ZNF490: variants seen among roughly 807,000 people sequenced by gnomAD.
ZNF490 encodes the protein zinc finger protein 490.
In ZNF490, 11 loss-of-function variants were observed where a neutral mutation model predicts 17.7. The ratio of observed to expected loss-of-function variants is 0.62; its 90% CI spans 0.39 to 1.03. The LOEUF (loss-of-function observed/expected upper bound fraction) is 1.03. Ranked by LOEUF, ZNF490 falls within the 50% of genes least tolerant of loss-of-function variation. The pLI is 0.00. For missense variants in ZNF490, 542 were observed against 643.4 expected (o/e 0.84, Z 1.71); for synonymous variants, 222 against 216.1 (o/e 1.03, Z -0.24).
In ZNF490 at chr19:12,610,694, T is replaced by A; in HGVS notation, c.-14A>T. On this transcript the variant is annotated 5_prime_UTR_variant, in exon 1 of 5. The change abolishes an upstream ATG in the 5' untranslated region. Transcript: ENST00000311437. The stretch of plus-strand genomic sequence containing the variant: ...ATTCCTGCGCATCCCTGTCCCCGCA[T>A]CCAGAAACACTGCAGGAAGACTTCC... 6.2e-7 allele frequency: 1 copy of A among 1,611,806 alleles called. No individual in the cohort carries two copies. The highest frequency in any genetic ancestry group is 8.5e-7 in the Non-Finnish European group (1 of 1,178,772).
chr19:12,604,661 C>A (rs1281679197), intron 2 of ZNF490, among the ~76,000 whole-genome samples: 11 of 140,652 alleles, frequency 7.8e-5, no homozygotes, highest in African/African-American at 5.3e-5. Flanking sequence ...GACTCTATCT[C>A]AAAAAAAAAA....
At position 12,586,298 on chromosome 19, in the gene ZNF490, C is replaced by CA. The variant is rs1355066080; in HGVS notation, c.163-2743dup. Reference sequence around the variant, plus strand: ...TGGGCGACAGAGCGAAACTCCACCTCAAAAAATAAAATAAAATAAAATAAA... The same window carrying CA: ...TGGGCGACAGAGCGAAACTCCACCTCAAAAAAATAAAATAAAATAAAATAAA... On this transcript the variant is annotated intron_variant, in intron 2 of 4. Transcript: ENST00000311437. 2.2e-5 allele frequency among the ~76,000 whole-genome samples: 2 copies of CA among 91,220 alleles called. 1 individual carries two copies. The highest frequency in any genetic ancestry group is 6.6e-5 in the African/African-American group (2 of 30,410). The allele number at this position is 91,220 out of a possible 152,430, so 59.8% of individuals were successfully genotyped here. A position where few individuals can be genotyped will look rare whatever the true frequency, so the allele number is the denominator to read the frequency against.
chr19:12,602,125 C>CAT (rs1174241685), intron 2 of ZNF490, among the ~76,000 whole-genome samples: 1 of 147,002 alleles, frequency 6.8e-6, no homozygotes, highest in South Asian at 2.2e-4. Context: ...CACACACACA[C>CAT]ACATATATGG....
chr19:12,583,648 C>G (rs2022769053), intron 2 of ZNF490, 92 bp from the exon 3 acceptor site: 1 of 1,349,544 alleles, frequency 7.4e-7, no homozygotes, highest in Non-Finnish European at 9.9e-7. Context: ...TCCATATAAT[C>G]CTGTAGTCTC....
chr19:12,610,025 A>AAAAG (rs2023126133), intron 1 of ZNF490: 1 of 433,650 alleles, frequency 2.3e-6, no homozygotes, highest in African/African-American at 2.1e-5. Context: ...GCTTAAACTA[A>AAAAG]AAACAAACAA....
intron 2 of ZNF490, among the ~76,000 whole-genome samples, chr19:12,585,365 C>G (rs1389960521): frequency 1.1e-5 from 1 of 92,896 alleles, no homozygotes; most frequent in East Asian, 2.1e-4. Flanking sequence ...AGCCCTTTTT[C>G]TCTCCCCCGA....
chr19:12,610,090 G>A (rs1215058257), intron 1 of ZNF490: 2 of 396,094 alleles, frequency 5.0e-6, no homozygotes, highest in Non-Finnish European at 9.8e-6. Flanking sequence ...GCAGTTTACT[G>A]AGCACGTCTC....
intron 1 of ZNF490, 118 bp from the exon 2 acceptor site, chr19:12,609,320 A>G: frequency 1.3e-6 from 1 of 792,386 alleles, no homozygotes; most frequent in Non-Finnish European, 2.1e-6. Flanking sequence ...CAGAGCTACC[A>G]GAAGGGTGGA....
chr19:12,595,238 T>C (rs1451368129), intron 2 of ZNF490, among the ~76,000 whole-genome samples: 1 of 151,446 alleles, frequency 6.6e-6, no homozygotes, highest in Admixed American at 6.6e-5. Flanking sequence ...GCCTCCCGGG[T>C]TCAAGAAATT....
Position 12,578,798 on chromosome 19 carries a change from G to A in ZNF490, c.*1687C>T, listed in dbSNP as rs961594674. On this transcript the variant is annotated 3_prime_UTR_variant, in exon 5 of 5. Coordinates refer to ENST00000311437, the MANE Select transcript of ZNF490 (RefSeq NM_020714.3). ...AGAGGGTGTTTCCTAACTTCTGACT[G>A]GATGCCACAAAAGGCCTGCTGGGGC... 65 of 985,418 alleles carry A rather than the reference G, an allele frequency of 6.6e-5. No homozygotes were observed. Among genetic ancestry groups the A allele is most frequent in the Non-Finnish European group, 7.7e-5 (64 of 829,950 alleles). 61.0% of individuals were successfully genotyped at this position (985,418 alleles called of 1,614,324 possible). A position where few individuals can be genotyped will look rare whatever the true frequency, so the allele number is the denominator to read the frequency against.
rs964644112 is a variant in ZNF490 at position 12,581,520 on chromosome 19, C to T, written c.555G>A (p.Glu185=). ...MRSHTEQKPN[E]CHEYGEKPHK... ...GTGGCTTCTCTCCATATTCGTGACACTCATTTGGTTTCTGTTCAGTGTGAG... is the reference window on the plus strand; with the variant it reads ...GTGGCTTCTCTCCATATTCGTGACATTCATTTGGTTTCTGTTCAGTGTGAG... Residue 185 remains glutamate, a synonymous_variant, in exon 5 of 5, where the codon GAG becomes GAA. Coordinates refer to ENST00000311437, the MANE Select transcript of ZNF490 (RefSeq NM_020714.3). 3 of 1,614,036 alleles carry T rather than the reference C, an allele frequency of 1.9e-6. No individual in the cohort carries two copies. Among genetic ancestry groups the T allele is most frequent in the Non-Finnish European group, 1.7e-6 (2 of 1,180,050 alleles).
At chr19:12,605,456 G>C (rs1158933075) in intron 2 of ZNF490, among the ~76,000 whole-genome samples, 1 of 150,978 alleles carries the variant, frequency 6.6e-6, no homozygotes, top group African/African-American at 2.4e-5. Flanking sequence ...ACTCCAGCCT[G>C]GGAGACAGAG....
At chr19:12,610,073 G>A (rs1210181261) in intron 1 of ZNF490, 2 of 409,284 alleles carry the variant, frequency 4.9e-6, no homozygotes, top group African/African-American at 4.2e-5. Context: ...TCCTTCCAGA[G>A]TAAAACGCAG....
chr19:12,578,404 G>T lies in ZNF490; in HGVS notation c.*2081C>A, dbSNP rs115620662. The stretch of plus-strand genomic sequence containing the variant: ...AGAGTGGATGCTGTGTGGTCAAGGG[G>T]TGTGTGTCCCATGATACAGGCTCTG... On this transcript the variant is annotated 3_prime_UTR_variant, in exon 5 of 5. Transcript: ENST00000311437. 4.3e-3 allele frequency: 4,206 copies of T among 985,502 alleles called. 141 individuals are homozygous for T. The African/African-American group carries it at 0.067, about 16-fold the overall frequency. 61.0% of individuals were successfully genotyped at this position (985,502 alleles called of 1,614,324 possible). A position where few individuals can be genotyped will look rare whatever the true frequency, so the allele number is the denominator to read the frequency against.
At chr19:12,583,800 T>G (rs1327980577) in intron 2 of ZNF490, among the ~76,000 whole-genome samples, 1 of 116,778 alleles carries the variant, frequency 8.6e-6, no homozygotes, top group Non-Finnish European at 1.8e-5. Flanking sequence ...TCTATATATA[T>G]ATATATATAT....
At chr19:12,598,326 ATTG>A (rs2022959586) in intron 2 of ZNF490, among the ~76,000 whole-genome samples, 1 of 152,130 alleles carries the variant, frequency 6.6e-6, no homozygotes. Flanking sequence ...GGGAAAAAAA[ATTG>A]TTAAGTGCAC....
chr19:12,598,212 G>C (rs1212108208), intron 2 of ZNF490, among the ~76,000 whole-genome samples: 1 of 148,122 alleles, frequency 6.8e-6, no homozygotes, highest in South Asian at 2.2e-4. Flanking sequence ...GGCAGAGCGA[G>C]ACTCTGTCTC....
At chr19:12,602,557 G>C (rs955102936) in intron 2 of ZNF490, among the ~76,000 whole-genome samples, 4 of 151,338 alleles carry the variant, frequency 2.6e-5, no homozygotes, top group African/African-American at 9.7e-5. Context: ...CTCAAAAAAA[G>C]AAAACCACTG....
At position 12,581,274 on chromosome 19, in the gene ZNF490, G is replaced by T; in HGVS notation, c.801C>A (p.Arg267=). The change falls in exon 5 of 5, where the codon CGC becomes CGA. Residue 267 remains arginine (R), a synonymous_variant. Transcript: ENST00000311437. The part of the protein sequence containing the change: ...KAFRYLTALR[R]HEKNHTGEKP... ...TCTCTCCAGTGTGATTTTTTTCATG[G>T]CGCCGAAGAGCAGTGAGATATCTGA... The T allele has an allele frequency of 6.2e-7, 1 of 1,614,040 alleles. No homozygotes were observed.
Sources: allele counts gnomAD v4.1 joint callset (sites outside exome capture counted in the v4.1 genomes callset), GRCh38; gene constraint gnomAD v4.1.1; transcripts MANE v1.5; gene names NCBI Gene and HGNC (gene_info 2026-07-23, HGNC 2026-07-21).